SARDH: variants seen among roughly 807,000 people sequenced by gnomAD.
SARDH encodes sarcosine dehydrogenase, also known as sarcosine dehydrogenase, mitochondrial.
SARDH carries 95 observed loss-of-function variants against 109.1 expected under a neutral mutation model. The ratio of observed to expected loss-of-function variants is 0.87; its 90% CI spans 0.74 to 1.03. The LOEUF is 1.03. Ranked by LOEUF, SARDH falls within the 50% of genes least tolerant of loss-of-function variation. SARDH has a pLI of 0.00. For missense variants in SARDH, 1,267 were observed against 1,287.8 expected (o/e 0.98, Z 0.25); for synonymous variants, 572 against 534.8 (o/e 1.07, Z -0.96).
chr9:133,690,678 C>G, intron 15 of SARDH, 151 bp from the exon 16 acceptor site: 1 of 861,454 alleles, frequency 1.2e-6, no homozygotes, highest in Non-Finnish European at 1.8e-6. Flanking sequence ...TCTGTCCCTC[C>G]CTGGGTCCCC....
At chr9:133,681,248 TG>T (rs1428778614) in intron 17 of SARDH, among the ~76,000 whole-genome samples, 4 of 152,134 alleles carry the variant, frequency 2.6e-5, no homozygotes, top group African/African-American at 9.7e-5. Flanking sequence ...GCAGCTGATG[TG>T]GGCTCCCGGC....
chr9:133,681,957 G>C (rs1830711364), intron 17 of SARDH, among the ~76,000 whole-genome samples: 1 of 151,244 alleles, frequency 6.6e-6, no homozygotes, highest in Non-Finnish European at 1.5e-5. Context: ...AAAGCATTGT[G>C]CTTCTCTCCC....
rs548598060 is a variant in SARDH at position 133,735,604 on chromosome 9, G to A, written c.-30-1401C>T. On this transcript the variant is annotated intron_variant, in intron 1 of 20. Transcript: ENST00000439388. ...CCACGTTTGCACTGTAACTGAGCTC[G>A]TGTTAACTGAGCTCGTTCAAGCAAA... Among the ~76,000 whole-genome samples the A allele has an allele frequency of 5.9e-5, 9 of 152,334 alleles. No individual in the cohort carries two copies. In the South Asian group the frequency reaches 1.0e-3, roughly 18 times the overall value.
chr9:133,660,294 C>CTGAGGCTCAGAGACCTAAAGTTAG (rs906992252), downstream of SARDH, among the ~76,000 whole-genome samples: 1 of 152,082 alleles, frequency 6.6e-6, no homozygotes, highest in African/African-American at 2.4e-5. Flanking sequence ...GAGGAGGAAA[C>CTGAGGCTCAGAGACCTAAAGTTAG]TGAGGCTCAG....
At chr9:133,711,631 T>C (rs1220147148) in intron 10 of SARDH, among the ~76,000 whole-genome samples, 9 of 152,002 alleles carry the variant, frequency 5.9e-5, no homozygotes, top group African/African-American at 2.2e-4. Context: ...GGGCGTAATG[T>C]CCTCATCAGG....
In SARDH at chr9:133,679,312, C is replaced by G. The variant is rs142237120; in HGVS notation, c.2163+5881G>C. ...GCAGTGGCTGGAACTCAGCTGGTCT[C>G]TGACTGGCATGTCATAGTTATCTAA... On this transcript the variant is annotated intron_variant, in intron 17 of 20. Coordinates refer to ENST00000439388, the MANE Select transcript of SARDH (RefSeq NM_001134707.2). Among the ~76,000 whole-genome samples, 1,133 of 152,352 alleles carry G rather than the reference C, an allele frequency of 7.4e-3. 10 individuals are homozygous for G. The highest frequency in any genetic ancestry group is 0.031 in the Middle Eastern group (9 of 294).
At chr9:133,730,637 T>C (rs1296642277) in intron 4 of SARDH, among the ~76,000 whole-genome samples, 1 of 151,684 alleles carries the variant, frequency 6.6e-6, no homozygotes, top group Non-Finnish European at 1.5e-5. Context: ...CAATACTAGT[T>C]ACTGCTGGGT....
intron 16 of SARDH, among the ~76,000 whole-genome samples, chr9:133,689,248 CAG>C (rs1831005861): frequency 6.6e-6 from 1 of 151,174 alleles, no homozygotes; most frequent in Non-Finnish European, 1.5e-5. Flanking sequence ...CATCATTTTC[CAG>C]AGACAGATCA....
At chr9:133,736,912 T>C (rs948612095) in intron 1 of SARDH, among the ~76,000 whole-genome samples, 4 of 152,248 alleles carry the variant, frequency 2.6e-5, no homozygotes, top group Non-Finnish European at 4.4e-5. Flanking sequence ...TCAGCATCCT[T>C]TTTCAAGAGT....
In SARDH at chr9:133,666,340, G is replaced by C. The variant is rs1402083695; in HGVS notation, c.2631+395C>G. Among the ~76,000 whole-genome samples the C allele has an allele frequency of 1.3e-5, 2 of 152,122 alleles. No homozygotes were observed. The highest frequency in any genetic ancestry group is 6.5e-5 in the Admixed American group (1 of 15,286). On this transcript the variant is annotated intron_variant, in intron 20 of 20. Coordinates refer to ENST00000439388, the MANE Select transcript of SARDH (RefSeq NM_001134707.2). This position sits in a 1 kb window ranked among gnomAD's most constrained non-coding sequence, Gnocchi z 5.2. ...GTGAGGAGCTGGAAGGTATCAGCCT[G>C]GCTGGCTGGCACCTCCTTCTAACCA...
chr9:133,738,579 C>G (rs1832961859), upstream of SARDH, among the ~76,000 whole-genome samples: 1 of 152,220 alleles, frequency 6.6e-6, no homozygotes, highest in Non-Finnish European at 1.5e-5. Flanking sequence ...CTCATTTCCT[C>G]GTCTCTGAAA....
At chr9:133,699,117 C>A (rs545239106) in intron 13 of SARDH, among the ~76,000 whole-genome samples, 7 of 152,128 alleles carry the variant, frequency 4.6e-5, no homozygotes, top group African/African-American at 1.7e-4. Context: ...GAGGCTGAGG[C>A]GGGTGGATCA....
chr9:133,737,680 C>A (rs1049843879), intron 1 of SARDH, among the ~76,000 whole-genome samples: 4 of 152,250 alleles, frequency 2.6e-5, no homozygotes, highest in Non-Finnish European at 5.9e-5. Flanking sequence ...GCCACGTGCC[C>A]CTTCACCACC....
Position 133,729,869 on chromosome 9 carries a change from C to A in SARDH, c.815-4G>T, listed in dbSNP as rs200365223. On this transcript the variant is annotated splice_region_variant and splice_polypyrimidine_tract_variant and intron_variant, in intron 5 of 20. Coordinates refer to ENST00000439388, the MANE Select transcript of SARDH (RefSeq NM_001134707.2). ...CCCACAGCACTTGCCCACACTCCTG[C>A]GGGCAGAGCACAGACAGCTCAGCTC... 1.9e-6 allele frequency: 3 copies of A among 1,610,840 alleles called. No homozygotes were observed. Among genetic ancestry groups the A allele is most frequent in the Non-Finnish European group, 2.5e-6 (3 of 1,179,652 alleles).
In SARDH at chr9:133,689,598, T is replaced by G. The variant is rs189285310; in HGVS notation, c.2069+782A>C. Among the ~76,000 whole-genome samples, 930 of 152,292 alleles carry G rather than the reference T, an allele frequency of 6.1e-3. 6 individuals are homozygous for G. The highest frequency in any genetic ancestry group is 0.01 in the Non-Finnish European group (709 of 68,022). ...ATGTCTCAACCTCTCTGTTTCTCAG[T>G]TTCTGCATCAGTAAAAATAAGAACA... On this transcript the variant is annotated intron_variant, in intron 16 of 20. Coordinates refer to ENST00000439388, the MANE Select transcript of SARDH (RefSeq NM_001134707.2).
chr9:133,691,909 C>G (rs1831112574), intron 15 of SARDH, among the ~76,000 whole-genome samples: 1 of 152,168 alleles, frequency 6.6e-6, no homozygotes, highest in African/African-American at 2.4e-5. Flanking sequence ...CCACACCCAC[C>G]AAGTGCAAAC....
chr9:133,727,109 C>T (rs769964217), intron 6 of SARDH, among the ~76,000 whole-genome samples: 6 of 152,166 alleles, frequency 3.9e-5, no homozygotes, highest in Non-Finnish European at 5.9e-5. Flanking sequence ...CGCCAGAGCA[C>T]GACTGTGAAA....
intron 6 of SARDH, among the ~76,000 whole-genome samples, chr9:133,721,831 C>A (rs1195064101): frequency 5.3e-5 from 8 of 152,110 alleles, no homozygotes; most frequent in Admixed American, 5.2e-4. Context: ...TACACCATGG[C>A]CAGACTGGAC....
chr9:133,700,059 G>T (rs137962448), intron 13 of SARDH, among the ~76,000 whole-genome samples: 26 of 152,320 alleles, frequency 1.7e-4, no homozygotes, highest in Admixed American at 1.7e-3. Flanking sequence ...TGGCATGGTG[G>T]CTCATGCCTG....
Sources: allele counts gnomAD v4.1 joint callset (sites outside exome capture counted in the v4.1 genomes callset), GRCh38; gene constraint gnomAD v4.1.1; non-coding constraint Gnocchi (gnomAD v3.1); transcripts MANE v1.5; gene names NCBI Gene and HGNC (gene_info 2026-07-23, HGNC 2026-07-21).